The following PREX2 variants were observed in gnomAD, a reference collection of about 807,000 sequenced individuals.
The protein encoded by PREX2 is phosphatidylinositol 3,4,5-trisphosphate-dependent Rac exchanger 2 protein.
In PREX2, 107 loss-of-function variants were observed where a neutral mutation model predicts 203.2. The observed-to-expected ratio is 0.53, with a 90% confidence interval of 0.45 to 0.62. The LOEUF (loss-of-function observed/expected upper bound fraction) is 0.62, where lower values mean the gene tolerates loss of function less well. Ranked by LOEUF, PREX2 falls within the 20% of genes least tolerant of loss-of-function variation. The pLI is 0.00. For missense variants in PREX2, 1,777 were observed against 1,955.9 expected, an observed-to-expected ratio of 0.91 and a Z score of 1.72; for synonymous variants, 672 against 663.6, an observed-to-expected ratio of 1.01 and a Z score of -0.19.
At chr8:68,016,733 C>T (rs1271230026) in intron 1 of PREX2, among the ~76,000 whole-genome samples, 2 of 152,170 alleles carry the variant, frequency 1.3e-5, no homozygotes, top group African/African-American at 4.8e-5. Context: ...CCTCCCACCT[C>T]AGCCTCTTAA....
At chr8:68,003,116 G>A (rs1806991276) in intron 1 of PREX2, among the ~76,000 whole-genome samples, 1 of 151,888 alleles carries the variant, frequency 6.6e-6, no homozygotes, top group Non-Finnish European at 1.5e-5. Context: ...ACTGTTTCAG[G>A]GTTTGGGATT....
Position 68,130,880 on chromosome 8 carries a change from G to C in PREX2, c.3767-3179G>C, listed in dbSNP as rs140559395. ...GCCCCAGTACTTCCTTGGGGAGAGG[G>C]GAATTTCACAAGGGGAGATAATCTT... On this transcript the variant is annotated intron_variant, in intron 31 of 39. Transcript: ENST00000288368. Among the ~76,000 whole-genome samples the C allele has an allele frequency of 8.4e-3, 1,275 of 152,254 alleles. 14 individuals carry two copies. Among genetic ancestry groups the C allele is most frequent in the African/African-American group, 0.029 (1,209 of 41,542 alleles).
At chr8:68,014,839 TC>T (rs1443715322) in intron 1 of PREX2, among the ~76,000 whole-genome samples, 3 of 152,252 alleles carry the variant, frequency 2.0e-5, no homozygotes, top group African/African-American at 7.2e-5. Flanking sequence ...CGCATAGAGG[TC>T]CTGCTCAAAA....
At chr8:68,163,529 G>A (rs2129614044) in intron 35 of PREX2, among the ~76,000 whole-genome samples, 1 of 152,298 alleles carries the variant, frequency 6.6e-6, no homozygotes, top group Middle Eastern at 3.4e-3. Context: ...TTAATTTAGT[G>A]TCTGTTTTCC....
At position 68,004,147 on chromosome 8, in the gene PREX2, G is replaced by A. The variant is rs150064451; in HGVS notation, c.142-13699G>A. Among the ~76,000 whole-genome samples, 120 of 152,286 alleles carry A rather than the reference G, an allele frequency of 7.9e-4. 1 individual carries two copies. The highest frequency in any genetic ancestry group is 2.7e-3 in the African/African-American group (114 of 41,562). On this transcript the variant is annotated intron_variant, in intron 1 of 39. Coordinates refer to ENST00000288368, the MANE Select transcript of PREX2 (RefSeq NM_024870.4). ...TGAGAGAGCTGGAGCTGAGTCAAGTGAGGATTAAATCCAGGCTCCTTCATT... is the reference window on the plus strand; with the variant it reads ...TGAGAGAGCTGGAGCTGAGTCAAGTAAGGATTAAATCCAGGCTCCTTCATT...
At chr8:68,197,930 T>A (rs538878219) in intron 37 of PREX2, among the ~76,000 whole-genome samples, 1 of 152,088 alleles carries the variant, frequency 6.6e-6, no homozygotes, top group East Asian at 1.9e-4. Context: ...TGATTTATCT[T>A]CTTTCTCAAT....
chr8:68,011,598 C>G (rs1437963578), intron 1 of PREX2, among the ~76,000 whole-genome samples: 1 of 151,986 alleles, frequency 6.6e-6, no homozygotes, highest in Admixed American at 6.6e-5. Flanking sequence ...TAATTTTCTC[C>G]AAGTGTTTGA....
intron 37 of PREX2, among the ~76,000 whole-genome samples, chr8:68,214,356 C>A (rs538562380): frequency 2.0e-5 from 3 of 152,180 alleles, no homozygotes; most frequent in Non-Finnish European, 1.5e-5. Context: ...GTTGGGATGG[C>A]GCCACTGCAT....
chr8:68,135,474 A>C (rs911626180), intron 32 of PREX2, among the ~76,000 whole-genome samples: 3 of 152,242 alleles, frequency 2.0e-5, no homozygotes, highest in Non-Finnish European at 4.4e-5. Context: ...GCACATGAAA[A>C]GATGATCAAC....
Position 68,027,219 on chromosome 8 carries a change from C to G in PREX2, c.442-3C>G, listed in dbSNP as rs754840684. The stretch of plus-strand genomic sequence containing the variant: ...TAATTAATTTTGATTATTTTCACCC[C>G]AGAACTGCATGCTGCTTGGAGGACG... On this transcript the variant is annotated splice_region_variant and splice_polypyrimidine_tract_variant and intron_variant, in intron 4 of 39. Transcript: ENST00000288368. 1 of 1,604,896 alleles carries G rather than the reference C, an allele frequency of 6.2e-7. No homozygotes were observed. Among genetic ancestry groups the G allele is most frequent in the South Asian group, 1.1e-5 (1 of 90,834 alleles).
intron 38 of PREX2, among the ~76,000 whole-genome samples, chr8:68,220,942 G>A (rs1238601476): frequency 6.6e-6 from 1 of 152,002 alleles, no homozygotes; most frequent in African/African-American, 2.4e-5. Context: ...CTGGGGTTTG[G>A]GCTTCCATTG....
intron 21 of PREX2, 53 bp downstream of exon 21, chr8:68,093,775 C>A: frequency 1.1e-6 from 1 of 916,380 alleles, no homozygotes; most frequent in Non-Finnish European, 1.7e-6. Flanking sequence ...TTCCACTGTG[C>A]ATGTGCCTAC....
chr8:68,012,926 A>T (rs991619721), intron 1 of PREX2, among the ~76,000 whole-genome samples: 2 of 152,262 alleles, frequency 1.3e-5, no homozygotes, highest in African/African-American at 4.8e-5. Context: ...AAACCATGTC[A>T]TATGGTGATA....
At chr8:68,157,993 A>G (rs1811574828) in intron 35 of PREX2, among the ~76,000 whole-genome samples, 1 of 151,744 alleles carries the variant, frequency 6.6e-6, no homozygotes, top group South Asian at 2.1e-4. Flanking sequence ...TAACCACAGT[A>G]AGTGAAAAGA....
intron 1 of PREX2, among the ~76,000 whole-genome samples, chr8:67,965,509 G>A (rs75252126): frequency 5.2e-5 from 5 of 95,730 alleles, no homozygotes; most frequent in Admixed American, 1.1e-4. Flanking sequence ...ATATATATAT[G>A]TGTGTGTATA....
chr8:68,019,783 A>G (rs750485151), intron 3 of PREX2, 112 bp downstream of exon 3: 9 of 1,075,574 alleles, frequency 8.4e-6, no homozygotes, highest in Non-Finnish European at 1.2e-5. Flanking sequence ...TCTGACACCA[A>G]AAGTTTAAGG....
chr8:68,162,362 A>G (rs1448683359), intron 35 of PREX2, among the ~76,000 whole-genome samples: 1 of 152,182 alleles, frequency 6.6e-6, no homozygotes, highest in Non-Finnish European at 1.5e-5. Flanking sequence ...TAGAAATATG[A>G]TATTAAAGTA....
intron 31 of PREX2, among the ~76,000 whole-genome samples, chr8:68,132,869 T>C (rs1811035223): frequency 6.6e-6 from 1 of 152,224 alleles, no homozygotes; most frequent in Non-Finnish European, 1.5e-5. Flanking sequence ...AGTTTGTATA[T>C]ATCCAACCAC....
chr8:68,211,569 A>C (rs902559085), intron 37 of PREX2, among the ~76,000 whole-genome samples: 2 of 152,206 alleles, frequency 1.3e-5, no homozygotes, highest in Non-Finnish European at 2.9e-5. Context: ...AGGTCAGTAC[A>C]CCTGCTTTCC....
Sources: allele counts gnomAD v4.1 joint callset (sites outside exome capture counted in the v4.1 genomes callset), GRCh38; gene constraint gnomAD v4.1.1; transcripts MANE v1.5; gene names NCBI Gene and HGNC (gene_info 2026-07-23, HGNC 2026-07-21).